Variants in TASP1 observed in about 807,000 individuals in gnomAD.
TASP1 encodes taspase 1, also known as threonine aspartase 1.
In TASP1, 16 loss-of-function variants were observed where a neutral mutation model predicts 56.6. That is an observed-to-expected ratio of 0.28 (90% CI 0.19 to 0.43). The LOEUF is 0.43. Ranked by LOEUF, TASP1 falls within the 20% of genes least tolerant of loss-of-function variation. The pLI is 1.00. For synonymous variants in TASP1, 179 were observed against 184.2 expected (o/e 0.97, Z 0.23); for missense variants, 393 against 511.6 (o/e 0.77, Z 2.24).
At chr20:13,624,544 T>C (rs2048821062) in intron 3 of TASP1, among the ~76,000 whole-genome samples, 1 of 152,176 alleles carries the variant, frequency 6.6e-6, no homozygotes, top group African/African-American at 2.4e-5. Context: ...GCATATTTAC[T>C]TGATATATAA....
rs149603278 is a variant in TASP1, at chr20:13,495,412, T to C, written c.875-12075A>G. 3.9e-5 allele frequency among the ~76,000 whole-genome samples: 6 copies of C among 152,280 alleles called. No homozygotes were observed. The East Asian group carries it at 1.2e-3, about 29-fold the overall frequency. On this transcript the variant is annotated intron_variant, in intron 10 of 13. Coordinates refer to ENST00000337743, the MANE Select transcript of TASP1 (RefSeq NM_017714.3). ...CAGTCATTGCTTATCCCTTTCTCTATTCAATACAGTATCAAGGGAAGTTTT... is the reference window on the plus strand; with the variant it reads ...CAGTCATTGCTTATCCCTTTCTCTACTCAATACAGTATCAAGGGAAGTTTT...
chr20:13,154,766 C>A, the TASP1 span, among the ~76,000 whole-genome samples: 26 of 152,298 alleles, frequency 1.7e-4, no homozygotes, highest in South Asian at 5.0e-3. Context: ...ACAGCATTAG[C>A]AACAACTGCA....
chr20:13,253,182 TCA>T, the TASP1 span, among the ~76,000 whole-genome samples: 1 of 152,172 alleles, frequency 6.6e-6, no homozygotes, highest in African/African-American at 2.4e-5. Flanking sequence ...GAACCAAGTC[TCA>T]CAGTTCATCC....
the TASP1 span, among the ~76,000 whole-genome samples, chr20:13,189,537 A>T: frequency 5.1e-3 from 770 of 152,208 alleles, 8 homozygotes; most frequent in African/African-American, 0.018. Flanking sequence ...AAAGTGGCCA[A>T]CAAACATATG....
At chr20:13,543,169 G>A (rs1486893750) in intron 8 of TASP1, among the ~76,000 whole-genome samples, 1 of 152,072 alleles carries the variant, frequency 6.6e-6, no homozygotes, top group African/African-American at 2.4e-5. Context: ...AATAACAGAC[G>A]CTAGCATCTC....
chr20:13,253,003 A>G, the TASP1 span, among the ~76,000 whole-genome samples: 10 of 152,124 alleles, frequency 6.6e-5, no homozygotes, highest in Non-Finnish European at 4.4e-5. Flanking sequence ...TCCATTAGCC[A>G]ATCTGGAACC....
chr20:13,117,192 T>G, the TASP1 span, among the ~76,000 whole-genome samples: 1 of 152,234 alleles, frequency 6.6e-6, no homozygotes, highest in South Asian at 2.1e-4. Context: ...TCCAGAATGG[T>G]CAGTCTAGTT....
the TASP1 span, among the ~76,000 whole-genome samples, chr20:13,163,237 A>G: frequency 3.3e-5 from 5 of 151,894 alleles, no homozygotes; most frequent in Admixed American, 3.3e-4. Flanking sequence ...GCGTAGTAGC[A>G]TGTGCCTGTA....
At chr20:13,201,958 C>A in the TASP1 span, among the ~76,000 whole-genome samples, 1 of 151,936 alleles carries the variant, frequency 6.6e-6, no homozygotes, top group African/African-American at 2.4e-5. Context: ...TTTCACCATG[C>A]TGGCCAGGCT....
the TASP1 span, among the ~76,000 whole-genome samples, chr20:13,246,008 C>A: frequency 6.6e-6 from 1 of 152,216 alleles, no homozygotes; most frequent in East Asian, 1.9e-4. Context: ...TGGCTCACGC[C>A]TATAATCCCA....
chr20:13,358,484 C>T, the TASP1 span, among the ~76,000 whole-genome samples: 4 of 152,164 alleles, frequency 2.6e-5, no homozygotes, highest in African/African-American at 9.7e-5. Flanking sequence ...ATCAGGTAGG[C>T]GGCCTCTTCT....
At chr20:13,250,493 T>C in the TASP1 span, among the ~76,000 whole-genome samples, 2 of 152,200 alleles carry the variant, frequency 1.3e-5, no homozygotes, top group Non-Finnish European at 2.9e-5. Context: ...GGGCAAACCA[T>C]GGCAACACAG....
the TASP1 span, among the ~76,000 whole-genome samples, chr20:13,363,260 G>A: frequency 6.6e-6 from 1 of 152,120 alleles, no homozygotes. Context: ...AGAAGAAAGA[G>A]AGGCTGGAAA....
the TASP1 span, among the ~76,000 whole-genome samples, chr20:13,155,396 A>T: frequency 0.12 from 17,616 of 152,184 alleles, 1,117 homozygotes; most frequent in East Asian, 0.2. Flanking sequence ...AAGTATTGAA[A>T]AGTACCAATA....
At chr20:13,393,400 T>C in intron 13 of TASP1, 2 of 750,776 alleles carry the variant, frequency 2.7e-6, no homozygotes, top group Non-Finnish European at 4.8e-6. Flanking sequence ...GTGTCAGTTA[T>C]GGACCTGACC....
chr20:13,295,847 C>A, the TASP1 span, among the ~76,000 whole-genome samples: 2 of 152,154 alleles, frequency 1.3e-5, no homozygotes, highest in Non-Finnish European at 2.9e-5. Flanking sequence ...ATGTTAAAAT[C>A]ACGATAGATC....
At chr20:13,325,827 C>T in the TASP1 span, among the ~76,000 whole-genome samples, 17,260 of 152,178 alleles carry the variant, frequency 0.11, 1,392 homozygotes, top group Non-Finnish European at 0.17. Flanking sequence ...TTGACATACA[C>T]TTTAAAAGAA....
chr20:13,118,040 A>G, the TASP1 span, among the ~76,000 whole-genome samples: 1 of 152,162 alleles, frequency 6.6e-6, no homozygotes, highest in Non-Finnish European at 1.5e-5. Context: ...CATGGTTTAG[A>G]ATGAATATCC....
chr20:13,246,141 C>T, the TASP1 span, among the ~76,000 whole-genome samples: 1 of 152,100 alleles, frequency 6.6e-6, no homozygotes, highest in Admixed American at 6.6e-5. Context: ...GGCATGGTGG[C>T]ACACACCTGT....
Sources: gnomAD v4.1 joint callset for allele counts (sites outside exome capture counted in the v4.1 genomes callset) on GRCh38, gnomAD v4.1.1 for gene constraint, MANE v1.5 for transcripts, NCBI Gene and HGNC (gene_info 2026-07-23, HGNC 2026-07-21) for gene names.